Variants in RIC1 observed in about 807,000 individuals in gnomAD.
RIC1 encodes RIC1 partner of RAB6A GEF complex, also known as guanine nucleotide exchange factor subunit RIC1.
A neutral mutation model predicts 169.0 loss-of-function variants in RIC1; 88 were observed. That is an observed-to-expected ratio of 0.52 (90% CI 0.44 to 0.62). The LOEUF (loss-of-function observed/expected upper bound fraction) is 0.62, where lower values mean the gene tolerates loss of function less well. Ranked by LOEUF, RIC1 falls within the 20% of genes least tolerant of loss-of-function variation. The pLI is 0.00. For synonymous variants in RIC1, 790 were observed against 601.5 expected (o/e 1.31, Z -4.59); for missense variants, 1,877 against 1,725.5 (o/e 1.09, Z -1.56).
chr9:5,756,537 C>T (rs1162400891), intron 16 of RIC1, among the ~76,000 whole-genome samples, 165 bp downstream of exon 16: 1 of 150,742 alleles, frequency 6.6e-6, no homozygotes, highest in Non-Finnish European at 1.5e-5. Context: ...GATATAATAG[C>T]TAAAAAAAAA....
chr9:5,755,211 C>T (rs534636250), intron 15 of RIC1, among the ~76,000 whole-genome samples: 2 of 152,140 alleles, frequency 1.3e-5, no homozygotes, highest in Non-Finnish European at 1.5e-5. Flanking sequence ...CAAAAAATTT[C>T]ATGATATAAG....
intron 1 of RIC1, among the ~76,000 whole-genome samples, chr9:5,646,732 G>A (rs558824729): frequency 6.1e-4 from 93 of 152,240 alleles, no homozygotes; most frequent in South Asian, 3.5e-3. Context: ...AAAGTGACAC[G>A]TGACTGTATT....
In RIC1 at chr9:5,756,318, T is replaced by A. The variant is rs910299696; in HGVS notation, c.1799T>A (p.Val600Glu). 2 of 1,587,884 alleles carry A rather than the reference T, an allele frequency of 1.3e-6. No homozygotes were observed. The highest frequency in any genetic ancestry group is 2.7e-5 in the African/African-American group (2 of 74,238). The change falls in exon 16 of 26, where the codon GTA (valine) becomes GAA (glutamate). Residue 600 changes from valine (V) to glutamate (E), a missense_variant. Around this residue, in one of 3 missense-constraint regions of RIC1, gnomAD observed 1,104 missense variants for 992.0 expected, o/e 1.11. Coordinates refer to ENST00000414202, the MANE Select transcript of RIC1 (RefSeq NM_020829.4). ...AGTGTCTTCCAGGACATGGTAATAG[T>A]ATTTAGAGCAGACTGTTCAATATGC... ...LLSVFQDMVI[V>E]FRADCSICLY...
chr9:5,757,285 G>A (rs1482987511), intron 16 of RIC1, 28 bp from the exon 17 acceptor site: 1 of 1,612,222 alleles, frequency 6.2e-7, no homozygotes, highest in East Asian at 2.2e-5. Flanking sequence ...TTGTTGTTGA[G>A]GTATGTGGGT....
intron 1 of RIC1, among the ~76,000 whole-genome samples, chr9:5,633,288 C>T (rs1054688224): frequency 2.6e-5 from 4 of 152,106 alleles, no homozygotes; most frequent in Admixed American, 2.0e-4. Context: ...TCCCAGCATT[C>T]CCATTTCTCA....
In RIC1 at chr9:5,644,621, T is replaced by G. The variant is rs534305100; in HGVS notation, c.145-11962T>G. The stretch of plus-strand genomic sequence containing the variant: ...CTTTTTGTTGCTGAATATTTTTCCA[T>G]TATTTGCATATGCCGCATTTCTATC... On this transcript the variant is annotated intron_variant, in intron 1 of 25. Coordinates refer to ENST00000414202, the MANE Select transcript of RIC1 (RefSeq NM_020829.4). Among the ~76,000 whole-genome samples, 8 of 152,348 alleles carry G rather than the reference T, an allele frequency of 5.3e-5. No individual in the cohort carries two copies. The East Asian group carries it at 1.5e-3, about 29-fold the overall frequency.
chr9:5,773,123 T>C (rs755230676), intron 25 of RIC1, 43 bp downstream of exon 25: 1 of 1,365,878 alleles, frequency 7.3e-7, no homozygotes. Context: ...TCCATGTCTT[T>C]TGGTGAATCC....
At position 5,769,091 on chromosome 9, in the gene RIC1, G is replaced by A. The variant is rs1165521707; in HGVS notation, c.3259G>A (p.Gly1087Ser). Reference sequence around the variant, plus strand: ...CCTTGGCTGCTTTGCAGCCCAGCTGGGCTTTGAACTAATTAGTTGGCTATG... The same window carrying A: ...CCTTGGCTGCTTTGCAGCCCAGCTGAGCTTTGAACTAATTAGTTGGCTATG... ...KDLGCFAAQL[G>S]FELISWLCKE... The change falls in exon 22 of 26, where the codon GGC becomes AGC. Residue 1087 changes from glycine (G) to serine (S), a missense_variant. Transcript: ENST00000414202. 1 of 1,613,946 alleles carries A rather than the reference G, an allele frequency of 6.2e-7. No individual in the cohort carries two copies. Among genetic ancestry groups the A allele is most frequent in the Non-Finnish European group, 8.5e-7 (1 of 1,179,974 alleles).
intron 1 of RIC1, among the ~76,000 whole-genome samples, chr9:5,630,813 C>T (rs961238621): frequency 3.3e-5 from 5 of 151,908 alleles, no homozygotes; most frequent in Admixed American, 2.0e-4. Flanking sequence ...CATCTGGTTC[C>T]TAAATGAGAT....
At chr9:5,756,049 G>A (rs1825990975) in intron 15 of RIC1, among the ~76,000 whole-genome samples, 163 bp from the exon 16 acceptor site, 1 of 149,856 alleles carries the variant, frequency 6.7e-6, no homozygotes, top group African/African-American at 2.5e-5. Flanking sequence ...GCAAAAATAT[G>A]TAAACATAAT....
At chr9:5,778,182 T>A (rs1452275642), downstream of RIC1, among the ~76,000 whole-genome samples, 9 of 152,348 alleles carry the variant, frequency 5.9e-5, no homozygotes, top group African/African-American at 2.2e-4. Flanking sequence ...TATTTCTAAG[T>A]ATTGCTACTG....
chr9:5,730,810 G>A (rs1428867820), intron 6 of RIC1, among the ~76,000 whole-genome samples: 1 of 152,076 alleles, frequency 6.6e-6, no homozygotes, highest in Admixed American at 6.5e-5. Context: ...TATATAACTT[G>A]AAGAAAAAGC....
intron 2 of RIC1, among the ~76,000 whole-genome samples, chr9:5,680,135 G>T (rs938035585): frequency 3.3e-5 from 5 of 152,272 alleles, no homozygotes; most frequent in African/African-American, 1.2e-4. Context: ...TTATATGCTG[G>T]ATTACATTTA....
chr9:5,765,404 T>C lies in RIC1; in HGVS notation c.2842-10T>C. 1 of 1,608,128 alleles carries C rather than the reference T, an allele frequency of 6.2e-7. No homozygotes were observed. On this transcript the variant is annotated splice_polypyrimidine_tract_variant and intron_variant, in intron 19 of 25. Transcript: ENST00000414202. ...TATAAAAAGAATGCTGTCCTGGTTGTTTTTTGTAGAATATGGAAGTCCCTG... is the reference window on the plus strand; with the variant it reads ...TATAAAAAGAATGCTGTCCTGGTTGCTTTTTGTAGAATATGGAAGTCCCTG...
chr9:5,774,052 C>A lies in RIC1; in HGVS notation c.4078C>A (p.Pro1360Thr), dbSNP rs552633335. The change falls in exon 26 of 26, where the codon CCA (proline) becomes ACA (threonine). Residue 1360 changes from proline (P) to threonine (T), a missense_variant. Physicochemically the swap from Pro to Thr is conservative, Grantham distance 38. This residue lies in a region of RIC1 where 681 missense variants were observed against 582.0 expected (regional missense o/e 1.17). Transcript: ENST00000414202. The part of the protein sequence containing the change: ...EEQVQPDAFQ[P>T]ITMGKTPEQT... ...GCAGGTCCAGCCAGATGCCTTCCAA[C>A]CAATAACTATGGGTAAGACTCCAGA... The A allele has an allele frequency of 6.2e-7, 1 of 1,614,056 alleles. No individual in the cohort carries two copies. Among genetic ancestry groups the A allele is most frequent in the East Asian group, 2.2e-5 (1 of 44,868 alleles).
chr9:5,665,332 G>A (rs974016171), intron 2 of RIC1, among the ~76,000 whole-genome samples: 5 of 152,158 alleles, frequency 3.3e-5, no homozygotes, highest in African/African-American at 1.2e-4. Context: ...TAAGAACTTG[G>A]CACGTCCTGT....
chr9:5,681,836 G>A (rs1023860580), intron 2 of RIC1, among the ~76,000 whole-genome samples: 20 of 152,258 alleles, frequency 1.3e-4, no homozygotes, highest in Middle Eastern at 3.4e-3. Flanking sequence ...CCTGTATTGC[G>A]TGCTCCTGTA....
At chr9:5,770,394 G>C in intron 23 of RIC1, 116 bp downstream of exon 23, 1 of 919,744 alleles carries the variant, frequency 1.1e-6, no homozygotes, top group Non-Finnish European at 1.6e-6. Flanking sequence ...TTAACCATTT[G>C]TATCCACTGG....
At chr9:5,689,268 G>C (rs1586953403) in intron 2 of RIC1, among the ~76,000 whole-genome samples, 1 of 151,932 alleles carries the variant, frequency 6.6e-6, no homozygotes, top group African/African-American at 2.4e-5. Flanking sequence ...AGCCAGAATG[G>C]TCTTGATCTC....
Sources: allele counts gnomAD v4.1 joint callset (sites outside exome capture counted in the v4.1 genomes callset), GRCh38; gene constraint gnomAD v4.1.1; regional missense constraint gnomAD v4.1.1; transcripts MANE v1.5; gene names NCBI Gene and HGNC (gene_info 2026-07-23, HGNC 2026-07-21).